BICDL1: variants seen among roughly 807,000 people sequenced by gnomAD.
BICDL1 encodes BICD family like cargo adaptor 1.
In BICDL1, 20 loss-of-function variants were observed where a neutral mutation model predicts 76.8. That is an observed-to-expected ratio of 0.26 (90% CI 0.18 to 0.38). The LOEUF (loss-of-function observed/expected upper bound fraction) is 0.38. Ranked by LOEUF, BICDL1 falls within the 10% of genes least tolerant of loss-of-function variation. BICDL1 has a pLI of 1.00. For synonymous variants in BICDL1, 383 were observed against 337.1 expected, an observed-to-expected ratio of 1.14 and a Z score of -1.49; for missense variants, 700 against 798.6, an observed-to-expected ratio of 0.88 and a Z score of 1.49.
rs1187121378 is a variant in BICDL1, at chr12:119,989,451, C to T, written c.-418C>T. Among the ~76,000 whole-genome samples, 1 of 98,066 alleles carries T rather than the reference C, an allele frequency of 1.0e-5. No homozygotes were observed. The highest frequency in any genetic ancestry group is 1.0e-4 in the Admixed American group (1 of 9,844). 64.3% of individuals were successfully genotyped at this position (98,066 alleles called of 152,430 possible). A position where few individuals can be genotyped will look rare whatever the true frequency, so the allele number is the denominator to read the frequency against. On this transcript the variant is annotated 5_prime_UTR_variant, in exon 1 of 10. Coordinates refer to ENST00000548673, the MANE Select transcript of BICDL1 (RefSeq NM_001367886.1). The stretch of plus-strand genomic sequence containing the variant: ...GCAGCCCGCCCCGTGAGGCGCTGCC[C>T]GGCCGGCGGCGGCAGCAGCAGCAGC...
chr12:119,997,109 C>G (rs369640919), intron 1 of BICDL1, among the ~76,000 whole-genome samples: 2 of 152,042 alleles, frequency 1.3e-5, no homozygotes, highest in South Asian at 2.1e-4. Flanking sequence ...CCACCTCGCC[C>G]GGCTAATTTT....
At chr12:119,999,060 C>CG (rs992006708) in intron 2 of BICDL1, among the ~76,000 whole-genome samples, 15 of 66,474 alleles carry the variant, frequency 2.3e-4, no homozygotes, top group African/African-American at 1.4e-3. Flanking sequence ...CAGCCTGTCT[C>CG]GGAAAAAAAA....
intron 2 of BICDL1, among the ~76,000 whole-genome samples, chr12:120,031,587 T>C (rs189998400): frequency 6.6e-6 from 1 of 152,362 alleles, no homozygotes; most frequent in Non-Finnish European, 1.5e-5. Context: ...CAGTATACTT[T>C]ATTCCTACAT....
At chr12:120,089,727 C>T (rs1167146112) in intron 8 of BICDL1, among the ~76,000 whole-genome samples, 1 of 152,218 alleles carries the variant, frequency 6.6e-6, no homozygotes, top group East Asian at 1.9e-4. Context: ...ACAAATATTC[C>T]TTTCACCTAC....
At position 119,990,050 on chromosome 12, in the gene BICDL1, C is replaced by A. The variant is rs865910809; in HGVS notation, c.182C>A (p.Ala61Glu). The A allele has an allele frequency of 7.2e-6, 11 of 1,532,568 alleles. No homozygotes were observed. In the African/African-American group the frequency reaches 1.4e-4, roughly 19 times the overall value. The allele number at this position is 1,532,568 out of a possible 1,614,324, so 94.9% of individuals were successfully genotyped here. A position where few individuals can be genotyped will look rare whatever the true frequency, so the allele number is the denominator to read the frequency against. ...ELELALEEEL[A>E]LLAAGERPSD... Reference sequence around the variant, plus strand: ...GAACTGGCGTTAGAGGAGGAGCTGGCGCTGCTGGCGGCCGGGGAGCGGCCG... The same window carrying A: ...GAACTGGCGTTAGAGGAGGAGCTGGAGCTGCTGGCGGCCGGGGAGCGGCCG... Residue 61 changes from alanine (A) to glutamate (E), a missense_variant, in exon 1 of 10, where the codon GCG (alanine) becomes GAG (glutamate). By Grantham distance (107) the Ala-to-Glu change is moderately radical. This residue lies in a region of BICDL1 where 225 missense variants were observed against 199.6 expected (regional missense o/e 1.13). Transcript: ENST00000548673.
intron 2 of BICDL1, among the ~76,000 whole-genome samples, chr12:120,004,709 C>T (rs910706011): frequency 1.3e-5 from 2 of 152,230 alleles, no homozygotes; most frequent in African/African-American, 4.8e-5. Context: ...TTTGATTTAT[C>T]TGGCTAGGAT....
At chr12:120,025,340 G>T (rs572457633) in intron 2 of BICDL1, among the ~76,000 whole-genome samples, 1 of 152,070 alleles carries the variant, frequency 6.6e-6, no homozygotes, top group African/African-American at 2.4e-5. Flanking sequence ...GTGAACCACC[G>T]CGCCCGGCCG....
intron 2 of BICDL1, among the ~76,000 whole-genome samples, chr12:120,036,798 C>A (rs1190905077): frequency 6.6e-6 from 1 of 152,220 alleles, no homozygotes; most frequent in Non-Finnish European, 1.5e-5. Flanking sequence ...ATCACTTGAA[C>A]CCGGAAGGCG....
chr12:120,090,149 T>A, intron 9 of BICDL1, 78 bp downstream of exon 9: 1 of 1,553,752 alleles, frequency 6.4e-7, no homozygotes, highest in Middle Eastern at 2.2e-4. Context: ...GTAAGGAGAG[T>A]TTGCCACTGG....
chr12:120,071,899 GC>G lies in BICDL1; in HGVS notation c.1089+102del. ...TCAGCTGCCATCCTGGCAAGGCTGT[GC>G]CCCTGTGCCTGTGTCAGCCCCTTGG... On this transcript the variant is annotated intron_variant, in intron 5 of 9. Coordinates refer to ENST00000548673, the MANE Select transcript of BICDL1 (RefSeq NM_001367886.1). The surrounding 1 kb of genome is among the most constrained non-coding windows in gnomAD (Gnocchi z 4.8). The G allele has an allele frequency of 7.0e-7, 1 of 1,426,194 alleles. No homozygotes were observed. The highest frequency in any genetic ancestry group is 9.2e-7 in the Non-Finnish European group (1 of 1,091,466). 88.3% of individuals were successfully genotyped at this position (1,426,194 alleles called of 1,614,324 possible).
chr12:120,000,731 A>G (rs1044846944), intron 2 of BICDL1, among the ~76,000 whole-genome samples: 1 of 152,200 alleles, frequency 6.6e-6, no homozygotes, highest in Non-Finnish European at 1.5e-5. Context: ...GCAAAAGCTC[A>G]TGGAGCTTGG....
chr12:120,001,246 TTTC>T (rs745980131), intron 2 of BICDL1, among the ~76,000 whole-genome samples: 84 of 152,140 alleles, frequency 5.5e-4, no homozygotes, highest in Non-Finnish European at 1.1e-3. Context: ...TACTTTTCTT[TTTC>T]TTCTTCTTTT....
intron 2 of BICDL1, among the ~76,000 whole-genome samples, chr12:120,056,673 C>T (rs543788984): frequency 3.3e-5 from 5 of 151,768 alleles, no homozygotes; most frequent in African/African-American, 1.2e-4. Context: ...GCCGAGATCG[C>T]GCTACTGCAC....
chr12:120,036,509 C>T (rs1038825975), intron 2 of BICDL1, among the ~76,000 whole-genome samples: 1 of 152,200 alleles, frequency 6.6e-6, no homozygotes, highest in Non-Finnish European at 1.5e-5. Flanking sequence ...GTATTTCTTT[C>T]ATCTGGTCTA....
chr12:120,072,843 C>T (rs1036137233), intron 6 of BICDL1, 114 bp downstream of exon 6: 7 of 867,920 alleles, frequency 8.1e-6, no homozygotes, highest in Admixed American at 7.3e-5. Context: ...AAAATATCTG[C>T]AAGAATTCTT....
chr12:120,073,178 G>A (rs1330518970), intron 6 of BICDL1, among the ~76,000 whole-genome samples: 2 of 152,216 alleles, frequency 1.3e-5, no homozygotes, highest in African/African-American at 2.4e-5. Flanking sequence ...CAGGCCGTGA[G>A]CCCTTATTTG....
intron 1 of BICDL1, chr12:119,992,441 C>T (rs12321330): frequency 0.086 from 13,111 of 152,264 alleles, 687 homozygotes; most frequent in African/African-American, 0.14. Context: ...CTCTATCCCC[C>T]AGGCTGCAGT....
At chr12:120,028,712 A>G (rs1952359498) in intron 2 of BICDL1, among the ~76,000 whole-genome samples, 1 of 152,116 alleles carries the variant, frequency 6.6e-6, no homozygotes, top group African/African-American at 2.4e-5. Context: ...GATATTGAAA[A>G]TTAGCGAGAA....
intron 2 of BICDL1, among the ~76,000 whole-genome samples, chr12:120,005,224 G>C (rs1273045590): frequency 6.6e-6 from 1 of 152,190 alleles, no homozygotes; most frequent in Non-Finnish European, 1.5e-5. Flanking sequence ...GAAATGTTCA[G>C]TACAAATGTT....
Sources: allele counts gnomAD v4.1 joint callset (sites outside exome capture counted in the v4.1 genomes callset), GRCh38; gene constraint gnomAD v4.1.1; regional missense constraint gnomAD v4.1.1; non-coding constraint Gnocchi (gnomAD v3.1); transcripts MANE v1.5; gene names NCBI Gene and HGNC (gene_info 2026-07-23, HGNC 2026-07-21).